The following MRPL38 variants were observed in gnomAD, a reference collection of about 807,000 sequenced individuals.
MRPL38 encodes the protein large ribosomal subunit protein mL38.
In MRPL38, 51 loss-of-function variants were observed where a neutral mutation model predicts 52.1. That is an observed-to-expected ratio of 0.98 (90% confidence interval 0.78 to 1.24). The LOEUF (loss-of-function observed/expected upper bound fraction) is 1.24, where lower values mean the gene tolerates loss of function less well. MRPL38 is among the 50% of genes most tolerant of loss of function. MRPL38 has a pLI of 0.00. For missense variants in MRPL38, 527 were observed against 518.6 expected (o/e 1.02, Z -0.16); for synonymous variants, 245 against 212.7 (o/e 1.15, Z -1.32).
chr17:75,901,244 C>T lies in MRPL38; in HGVS notation c.621G>A (p.Glu207=), dbSNP rs202116106. The change falls in exon 5 of 9, where the codon GAG becomes GAA. Residue 207 remains glutamate, a synonymous_variant. Coordinates refer to ENST00000309352, the MANE Select transcript of MRPL38 (RefSeq NM_032478.4). The surrounding 1 kb of genome is among the most constrained non-coding windows in gnomAD (Gnocchi z 5.7). ...EAAQAPEVTY[E]AEEGSLWTLL... ...ACGTCCACAAGGAGCCCTCTTCTGC[C>T]TCATAGGTCACCTCTGGCGCTTGGG... The T allele has an allele frequency of 6.8e-6, 11 of 1,613,596 alleles. No homozygotes were observed. In the Admixed American group the frequency reaches 1.5e-4, roughly 22 times the overall value.
Position 75,904,867 on chromosome 17 carries a change from C to A in MRPL38, c.9G>T (p.Ala3=). Residue 3 remains alanine, a synonymous_variant, in exon 1 of 9, where the codon GCG becomes GCT. Coordinates refer to ENST00000309352, the MANE Select transcript of MRPL38 (RefSeq NM_032478.4). ...CGCACAGCGCGGCTCGCCACCAGGGCGCCGCCATCTTCCCTCCGGCCTGCG... is the reference window on the plus strand; with the variant it reads ...CGCACAGCGCGGCTCGCCACCAGGGAGCCGCCATCTTCCCTCCGGCCTGCG... MA[A]PWWRAALCEC... The A allele has an allele frequency of 2.0e-6, 3 of 1,526,214 alleles. No individual in the cohort carries two copies. Among genetic ancestry groups the A allele is most frequent in the Non-Finnish European group, 1.7e-6 (2 of 1,143,652 alleles). 94.5% of individuals were successfully genotyped at this position (1,526,214 alleles called of 1,614,324 possible).
rs761919516 is a variant in MRPL38, at chr17:75,899,500, G to A, written c.869+16C>T. ...GCTGGCCTGAGGCCGGGTTATGTGT[G>A]GGTGGTGTAGATTACCAGGGTGAGG... On this transcript the variant is annotated intron_variant, in intron 7 of 8. Coordinates refer to ENST00000309352, the MANE Select transcript of MRPL38 (RefSeq NM_032478.4). 2 of 1,568,722 alleles carry A rather than the reference G, an allele frequency of 1.3e-6. No individual in the cohort carries two copies.
rs1242576167 is a variant in MRPL38, at chr17:75,899,405, A to C, written c.869+111T>G. On this transcript the variant is annotated intron_variant, in intron 7 of 8. Coordinates refer to ENST00000309352, the MANE Select transcript of MRPL38 (RefSeq NM_032478.4). ...GCCCCTGGGAGTCTGCTAGCACCCTATCCTGCTCTTCTGCCAGTCTCAAGG... is the reference window on the plus strand; with the variant it reads ...GCCCCTGGGAGTCTGCTAGCACCCTCTCCTGCTCTTCTGCCAGTCTCAAGG... The C allele has an allele frequency of 2.0e-6, 3 of 1,505,990 alleles. No individual in the cohort carries two copies. In the African/African-American group the frequency reaches 4.2e-5, roughly 21 times the overall value. The allele number at this position is 1,505,990 out of a possible 1,614,324, so 93.3% of individuals were successfully genotyped here.
chr17:75,904,531 G>T lies in MRPL38; in HGVS notation c.247+9C>A, dbSNP rs762740094. On this transcript the variant is annotated intron_variant, in intron 2 of 8. Coordinates refer to ENST00000309352, the MANE Select transcript of MRPL38 (RefSeq NM_032478.4). ...GGTGGCTGCAGCCCCTGCTCCAGTC[G>T]CCCCGCACCTGTCTTCTCCCCGAAA... 6 of 1,519,802 alleles carry T rather than the reference G, an allele frequency of 3.9e-6. No homozygotes were observed. The highest frequency in any genetic ancestry group is 4.4e-5 in the Admixed American group (2 of 45,124). The allele number at this position is 1,519,802 out of a possible 1,614,324, so 94.1% of individuals were successfully genotyped here. A position where few individuals can be genotyped will look rare whatever the true frequency, so the allele number is the denominator to read the frequency against.
chr17:75,901,802 A>G lies in MRPL38; in HGVS notation c.501T>C (p.Phe167=). 1 of 1,613,634 alleles carries G rather than the reference A, an allele frequency of 6.2e-7. No individual in the cohort carries two copies. The highest frequency in any genetic ancestry group is 8.5e-7 in the Non-Finnish European group (1 of 1,179,860). ...CCACGTGCAGGGGGACTCGGGGCAC[A>G]AAGGTGGCACCGTGGAACAGGTCTC... is the stretch of plus-strand genomic sequence containing the variant. ...LYRDLFHGAT[F]VPRVPLHVAY... Residue 167 remains phenylalanine, a synonymous_variant, in exon 4 of 9, where the codon TTT becomes TTC. Transcript: ENST00000309352. The surrounding 1 kb of genome is among the most constrained non-coding windows in gnomAD (Gnocchi z 5.7).
chr17:75,902,403 C>T, intron 2 of MRPL38: 1 of 493,398 alleles, frequency 2.0e-6, no homozygotes. Context: ...CTGCGCCCAG[C>T]CATGGTAGCT....
rs977243106 is a variant in MRPL38 at position 75,898,701 on chromosome 17, C to T, written c.*149G>A. 2.1e-4 allele frequency: 185 copies of T among 866,994 alleles called. 1 individual carries two copies. In the African/African-American group the frequency reaches 2.5e-3, roughly 12 times the overall value. 53.7% of individuals were successfully genotyped at this position (866,994 alleles called of 1,614,324 possible). A position where few individuals can be genotyped will look rare whatever the true frequency, so the allele number is the denominator to read the frequency against. On this transcript the variant is annotated 3_prime_UTR_variant, in exon 9 of 9. Transcript: ENST00000309352. ...CACCCCACCACCTGAGAGTCACTTT[C>T]ACTCCAAGCCCTGGGCCTGACGGGA...
chr17:75,900,835 G>T, intron 6 of MRPL38, 147 bp downstream of exon 6: 1 of 1,440,008 alleles, frequency 6.9e-7, no homozygotes, highest in Non-Finnish European at 9.1e-7. Flanking sequence ...GGATCCCAGG[G>T]CCCCTAACAC....
At chr17:75,904,257 A>T in intron 2 of MRPL38, 1 of 598,488 alleles carries the variant, frequency 1.7e-6, no homozygotes, top group South Asian at 1.5e-5. Context: ...ACGGCATCCC[A>T]ATCCGGAAAG....
chr17:75,904,770 G>GGCCCCC, intron 1 of MRPL38, 39 bp downstream of exon 1: 45 of 500,314 alleles, frequency 9.0e-5, no homozygotes, highest in South Asian at 2.0e-4. Flanking sequence ...TCGGGCGACA[G>GGCCCCC]CCCCCCCCCC....
rs2065392666 is a variant in MRPL38 at position 75,899,261 on chromosome 17, A to G, written c.903T>C (p.Phe301=). 6.2e-7 allele frequency: 1 copy of G among 1,612,536 alleles called. No homozygotes were observed. The highest frequency in any genetic ancestry group is 1.7e-5 in the Admixed American group (1 of 59,832). ...YQLAQRTFRT[F]DFYKKHQETM... ...TTTCTTGGTGTTTCTTGTAGAAATC[A>G]AAAGTGCGGAAGGTCCGCTGGGCCA... The change falls in exon 8 of 9, where the codon TTT becomes TTC. Residue 301 remains phenylalanine, a synonymous_variant. Coordinates refer to ENST00000309352, the MANE Select transcript of MRPL38 (RefSeq NM_032478.4).
rs769315704 is a variant in MRPL38, at chr17:75,901,027, T to C, written c.665A>G (p.Asp222Gly). Residue 222 changes from aspartate (D) to glycine (G), a missense_variant and splice_region_variant, in exon 6 of 9, where the codon GAT (aspartate) becomes GGT (glycine). By Grantham distance (94) the Asp-to-Gly change is moderately conservative (BLOSUM62 -1). Coordinates refer to ENST00000309352, the MANE Select transcript of MRPL38 (RefSeq NM_032478.4). This position sits in a 1 kb window ranked among gnomAD's most constrained non-coding sequence, Gnocchi z 5.7. ...SLWTLLLTSL[D>G]GHLLEPDAEY... ...AGCATCTGGCTCCAGCAGGTGCCCATCTGCACAAAAACACACCTGCTGACC... is the reference window on the plus strand; with the variant it reads ...AGCATCTGGCTCCAGCAGGTGCCCACCTGCACAAAAACACACCTGCTGACC... 2 of 1,612,162 alleles carry C rather than the reference T, an allele frequency of 1.2e-6. No homozygotes were observed. Among genetic ancestry groups the C allele is most frequent in the Non-Finnish European group, 1.7e-6 (2 of 1,179,302 alleles).
chr17:75,901,395 G>T lies in MRPL38; in HGVS notation c.592-122C>A. On this transcript the variant is annotated intron_variant, in intron 4 of 8. Transcript: ENST00000309352. This position sits in a 1 kb window ranked among gnomAD's most constrained non-coding sequence, Gnocchi z 5.7. ...CCTTGACAACCCCTGGCACAGGCAG[G>T]CAGGCAAAGGGATGCGTAGAGAAGC... 2.1e-6 allele frequency: 2 copies of T among 956,592 alleles called. No homozygotes were observed. The highest frequency in any genetic ancestry group is 1.6e-5 in the African/African-American group (1 of 61,628). The allele number at this position is 956,592 out of a possible 1,614,324, so 59.3% of individuals were successfully genotyped here.
Position 75,902,088 on chromosome 17 carries a change from T to C in MRPL38, c.314A>G (p.Glu105Gly), listed in dbSNP as rs1567853333. 1.2e-6 allele frequency: 2 copies of C among 1,608,714 alleles called. No individual in the cohort carries two copies. The highest frequency in any genetic ancestry group is 1.7e-6 in the Non-Finnish European group (2 of 1,177,874). ...PKVSRTQQLL[E>G]RKQAIQELRA... is the part of the protein sequence containing the mutation. ...AAGCTCCTGGATGGCCTGTTTCCGT[T>C]CCAGTAGCTGTTGGGTCCGGGAGAC... The change falls in exon 3 of 9, where the codon GAA becomes GGA. Residue 105 changes from glutamate to glycine, a missense_variant. Physicochemically the swap from Glu to Gly is moderately conservative, Grantham distance 98. Transcript: ENST00000309352.
intron 6 of MRPL38, chr17:75,899,971 G>C (rs2065396729): frequency 8.4e-6 from 2 of 237,180 alleles, no homozygotes; most frequent in Non-Finnish European, 1.6e-5. Flanking sequence ...CACAGTCACT[G>C]AGGCTAGAAA....
chr17:75,899,106 G>A (rs2065391658), intron 8 of MRPL38, 52 bp downstream of exon 8: 2 of 1,560,046 alleles, frequency 1.3e-6, no homozygotes, highest in Admixed American at 3.9e-5. Context: ...GGCAGGGCAG[G>A]CGAGGCCTGG....
At position 75,898,782 on chromosome 17, in the gene MRPL38, T is replaced by C. The variant is rs1599471097; in HGVS notation, c.*68A>G. Reference sequence around the variant, plus strand: ...GGGCCCAGACCCCACAGTGTGGGCCTCTGGAGCTGTGTCTTTACTCTTGCT... The same window carrying C: ...GGGCCCAGACCCCACAGTGTGGGCCCCTGGAGCTGTGTCTTTACTCTTGCT... On this transcript the variant is annotated 3_prime_UTR_variant, in exon 9 of 9. Coordinates refer to ENST00000309352, the MANE Select transcript of MRPL38 (RefSeq NM_032478.4). 6.3e-7 allele frequency: 1 copy of C among 1,589,084 alleles called. No homozygotes were observed. The highest frequency in any genetic ancestry group is 2.3e-5 in the East Asian group (1 of 44,074).
chr17:75,902,052 A>T lies in MRPL38; in HGVS notation c.350T>A (p.Val117Glu), dbSNP rs540179845. The T allele has an allele frequency of 1.9e-6, 3 of 1,613,176 alleles. No individual in the cohort carries two copies. The highest frequency in any genetic ancestry group is 1.7e-6 in the Non-Finnish European group (2 of 1,179,638). The change falls in exon 3 of 9, where the codon GTG becomes GAG. Residue 117 changes from valine (V) to glutamate (E), a missense_variant. By Grantham distance (121) the Val-to-Glu change is moderately radical. Coordinates refer to ENST00000309352, the MANE Select transcript of MRPL38 (RefSeq NM_032478.4). Reference protein sequence around the residue: ...KQAIQELRANVEEERAARLRT... With the variant: ...KQAIQELRANEEEERAARLRT... ...GAGGCGGGCAGCCCGCTCCTCTTCC[A>T]CATTGGCCCGAAGCTCCTGGATGGC...
At position 75,902,220 on chromosome 17, in the gene MRPL38, C is replaced by CA. The variant is rs1202108648; in HGVS notation, c.248-67dup. On this transcript the variant is annotated intron_variant, in intron 2 of 8. Transcript: ENST00000309352. ...CACTGCAGCCTTAACCTCCCCAACT[C>CA]AGTCTCCTGAGTAGCTGGGGCTACA... The CA allele has an allele frequency of 6.0e-6, 9 of 1,507,636 alleles. No individual in the cohort carries two copies. The East Asian group carries it at 1.5e-4, about 25-fold the overall frequency. 93.4% of individuals were successfully genotyped at this position (1,507,636 alleles called of 1,614,324 possible).
Sources: gnomAD v4.1 joint callset for allele counts on GRCh38, gnomAD v4.1.1 for gene constraint, Gnocchi (gnomAD v3.1) non-coding constraint, MANE v1.5 for transcripts, NCBI Gene and HGNC (gene_info 2026-07-23, HGNC 2026-07-21) for gene names.